The following LSAMP variants were observed in gnomAD, a reference collection of about 807,000 sequenced individuals.
LSAMP encodes limbic system associated membrane protein.
Under a neutral mutation model 38.6 loss-of-function variants are expected in LSAMP, and 7 were observed. The observed-to-expected ratio is 0.18, with a 90% CI of 0.10 to 0.34. The LOEUF is 0.34. Ranked by LOEUF, LSAMP falls within the 10% of genes least tolerant of loss-of-function variation. The pLI, the probability that LSAMP is intolerant of heterozygous loss-of-function variation, is 1.00. For synonymous variants in LSAMP, 154 were observed against 166.8 expected (o/e 0.92, Z 0.59); for missense variants, 313 against 420.0 (o/e 0.75, Z 2.23).
intron 1 of LSAMP, among the ~76,000 whole-genome samples, chr3:116,334,692 G>C (rs2047896269): frequency 6.6e-6 from 1 of 151,940 alleles, no homozygotes; most frequent in Non-Finnish European, 1.5e-5. Flanking sequence ...TTACAAAATT[G>C]AACACCCTTT....
At chr3:115,918,547 G>C (rs1937305737) in intron 3 of LSAMP, among the ~76,000 whole-genome samples, 3 of 152,136 alleles carry the variant, frequency 2.0e-5, no homozygotes, top group African/African-American at 7.2e-5. Context: ...GGCTGTGATG[G>C]AAAGCACAGG....
chr3:116,418,268 G>T (rs1207279358), intron 1 of LSAMP, among the ~76,000 whole-genome samples: 1 of 152,040 alleles, frequency 6.6e-6, no homozygotes, highest in Non-Finnish European at 1.5e-5. Context: ...ACTTATCTCA[G>T]TTGGCCAGCA....
At chr3:116,208,655 C>T (rs1298752964) in intron 1 of LSAMP, among the ~76,000 whole-genome samples, 9 of 152,176 alleles carry the variant, frequency 5.9e-5, no homozygotes, top group Admixed American at 2.0e-4. Context: ...TTGGAATACC[C>T]TGCCGTGTGA....
intron 6 of LSAMP, among the ~76,000 whole-genome samples, chr3:115,840,442 T>C (rs1360485376): frequency 6.6e-6 from 1 of 152,110 alleles, no homozygotes; most frequent in African/African-American, 2.4e-5. Context: ...CTCAAGCGTC[T>C]TAGGGATATT....
intron 1 of LSAMP, among the ~76,000 whole-genome samples, chr3:116,439,320 T>TG (rs1360026579): frequency 8.0e-5 from 10 of 124,546 alleles, no homozygotes; most frequent in African/African-American, 2.2e-4. Context: ...GATTTTGTTG[T>TG]TTTTTTTTTT....
chr3:115,896,195 A>C (rs1373542296), intron 3 of LSAMP, among the ~76,000 whole-genome samples: 1 of 152,120 alleles, frequency 6.6e-6, no homozygotes, highest in African/African-American at 2.4e-5. Context: ...GCTAAGATTT[A>C]TAAATAAGAC....
chr3:116,099,563 C>T (rs1275148355), intron 1 of LSAMP, among the ~76,000 whole-genome samples: 1 of 152,156 alleles, frequency 6.6e-6, no homozygotes, highest in East Asian at 1.9e-4. Flanking sequence ...TAATAATGTC[C>T]AGTCTCCCTC....
chr3:116,260,276 C>T (rs75773953), intron 1 of LSAMP, among the ~76,000 whole-genome samples: 2,190 of 152,078 alleles, frequency 0.014, 54 homozygotes, highest in African/African-American at 0.049. Flanking sequence ...CTGACACTGC[C>T]TAGTGGTAGG....
At chr3:116,033,360 T>A (rs2107706957) in intron 2 of LSAMP, among the ~76,000 whole-genome samples, 1 of 152,264 alleles carries the variant, frequency 6.6e-6, no homozygotes, top group Non-Finnish European at 1.5e-5. Flanking sequence ...AAGTTAGACA[T>A]GGAGGGGCCT....
At chr3:116,213,298 C>T (rs964163060) in intron 1 of LSAMP, among the ~76,000 whole-genome samples, 1 of 152,286 alleles carries the variant, frequency 6.6e-6, no homozygotes, top group African/African-American at 2.4e-5. Flanking sequence ...CAGCTCTTTC[C>T]TGTGCTGGTC....
At chr3:116,246,003 A>G (rs1169916726) in intron 1 of LSAMP, among the ~76,000 whole-genome samples, 1 of 152,208 alleles carries the variant, frequency 6.6e-6, no homozygotes, top group Non-Finnish European at 1.5e-5. Context: ...AAATCAAAGA[A>G]TATTAGAATT....
At chr3:116,316,319 G>C (rs1218402025) in intron 1 of LSAMP, among the ~76,000 whole-genome samples, 2 of 152,138 alleles carry the variant, frequency 1.3e-5, no homozygotes, top group Non-Finnish European at 1.5e-5. Flanking sequence ...CTCTGTTTGG[G>C]TATGCCTTTT....
chr3:115,886,147 C>G (rs186829708), intron 3 of LSAMP, among the ~76,000 whole-genome samples: 5 of 152,022 alleles, frequency 3.3e-5, no homozygotes, highest in Admixed American at 3.3e-4. Flanking sequence ...TCATACTAAT[C>G]CATATCAGTG....
intron 3 of LSAMP, among the ~76,000 whole-genome samples, chr3:115,881,746 A>G (rs777868317): frequency 6.6e-6 from 1 of 152,146 alleles, no homozygotes; most frequent in African/African-American, 2.4e-5. Flanking sequence ...TTCCCATAAA[A>G]TGTGAATTTG....
Position 116,306,488 on chromosome 3 carries a change from G to A in LSAMP, c.155+138389C>T, listed in dbSNP as rs552277229. Among the ~76,000 whole-genome samples, 15 of 152,070 alleles carry A rather than the reference G, an allele frequency of 9.9e-5. No homozygotes were observed. The South Asian group carries it at 1.0e-3, about 11-fold the overall frequency. On this transcript the variant is annotated intron_variant, in intron 1 of 6. Coordinates refer to ENST00000490035, the MANE Select transcript of LSAMP (RefSeq NM_002338.5). The stretch of plus-strand genomic sequence containing the variant: ...ATAGATGGCTTGTAATGGGAATGAC[G>A]GAGTGAAGAATTGAATGAAGGATTC...
intron 6 of LSAMP, among the ~76,000 whole-genome samples, chr3:115,825,152 G>A (rs535016155): frequency 2.0e-5 from 3 of 152,320 alleles, no homozygotes; most frequent in South Asian, 4.1e-4. Flanking sequence ...AAGTGAATTT[G>A]TGAGATTTCC....
intron 3 of LSAMP, among the ~76,000 whole-genome samples, chr3:115,871,333 TCAGCAGAGACAGAAAAAAAAATGGCTA>T (rs1936026207): frequency 6.6e-6 from 1 of 151,982 alleles, no homozygotes; most frequent in South Asian, 2.1e-4. Context: ...CTAAGTTTAT[TCAGCAGAGACAGAAAAAAAAATGGCTA>T]CAGGGAATCA....
chr3:116,285,035 A>G (rs2047174961), intron 1 of LSAMP, among the ~76,000 whole-genome samples: 1 of 152,208 alleles, frequency 6.6e-6, no homozygotes, highest in South Asian at 2.1e-4. Flanking sequence ...AAAGACAAAT[A>G]ACAGAAACAA....
chr3:115,888,242 G>A (rs1191162085), intron 3 of LSAMP, among the ~76,000 whole-genome samples: 4 of 151,864 alleles, frequency 2.6e-5, no homozygotes, highest in Non-Finnish European at 4.4e-5. Flanking sequence ...ACTAAAATAA[G>A]TAAATGCTTT....
Sources: gnomAD v4.1 joint callset for allele counts (sites outside exome capture counted in the v4.1 genomes callset) on GRCh38, gnomAD v4.1.1 for gene constraint, MANE v1.5 for transcripts, NCBI Gene and HGNC (gene_info 2026-07-23, HGNC 2026-07-21) for gene names.